Variants in PTGER3 observed in about 807,000 individuals in gnomAD.
PTGER3 encodes the protein prostaglandin E2 receptor EP3 subtype.
A neutral mutation model predicts 34.7 loss-of-function variants in PTGER3; 22 were observed. The observed-to-expected ratio is 0.63, with a 90% confidence interval of 0.45 to 0.91. PTGER3 has a LOEUF of 0.91. Ranked by LOEUF, PTGER3 falls within the 40% of genes least tolerant of loss-of-function variation. The probability of loss-of-function intolerance (pLI) is 0.00; values close to 1 mark genes in which losing one functional copy is unlikely to be tolerated. For synonymous variants in PTGER3, 241 were observed against 230.1 expected (o/e 1.05, Z -0.43); for missense variants, 468 against 519.4 (o/e 0.90, Z 0.96).
chr1:71,011,537 A>G (rs1657447068), intron 2 of PTGER3: 1 of 985,066 alleles, frequency 1.0e-6, no homozygotes, highest in Non-Finnish European at 1.2e-6. Context: ...TATATTCAAA[A>G]GAAAGAATAA....
intron 1 of PTGER3, among the ~76,000 whole-genome samples, chr1:71,021,543 A>G (rs1165586707): frequency 6.7e-6 from 1 of 149,662 alleles, no homozygotes; most frequent in Non-Finnish European, 1.5e-5. Flanking sequence ...AAACACCTAT[A>G]TTTCAGATGT....
intron 4 of PTGER3, among the ~76,000 whole-genome samples, chr1:70,906,058 T>G (rs1226456716): frequency 6.6e-6 from 1 of 152,114 alleles, no homozygotes; most frequent in Non-Finnish European, 1.5e-5. Flanking sequence ...AGAAGTTCCC[T>G]GTACAAGCTC....
chr1:70,883,958 A>G (rs965842694), intron 4 of PTGER3: 1 of 250,182 alleles, frequency 4.0e-6, no homozygotes, highest in Non-Finnish European at 8.1e-6. Flanking sequence ...GCTACTTGGG[A>G]GGCTGAGGCA....
intron 4 of PTGER3, among the ~76,000 whole-genome samples, chr1:70,861,278 CA>C (rs1645921398): frequency 6.6e-6 from 1 of 152,082 alleles, no homozygotes. Flanking sequence ...TCATTCTGAC[CA>C]GAAAGGTTTT....
chr1:71,025,288 T>G (rs1016167304), intron 1 of PTGER3, among the ~76,000 whole-genome samples: 1 of 152,020 alleles, frequency 6.6e-6, no homozygotes, highest in Non-Finnish European at 1.5e-5. Flanking sequence ...AAGTGGAACG[T>G]TCTGGTGTTC....
In PTGER3 at chr1:71,047,254, C is replaced by T. The variant is rs148227847; in HGVS notation, c.324G>A (p.Pro108=). ...TGGACAGGTACACGACGATGACGAC[C>T]GGGGTGGTGAGAAGCTGCCCGACCA... ...TDLVGQLLTT[P]VVIVVYLSKQ... The change falls in exon 1 of 4, where the codon CCG becomes CCA. Residue 108 remains proline, a synonymous_variant. Transcript: ENST00000306666. The T allele has an allele frequency of 2.1e-4, 329 of 1,595,342 alleles. 4 individuals carry two copies. In the East Asian group the frequency reaches 3.8e-3, roughly 18 times the overall value.
rs144385601 is a variant in PTGER3, at chr1:70,925,831, G to A, written c.*23+27932C>T. Among the ~76,000 whole-genome samples the A allele has an allele frequency of 4.3e-3, 657 of 152,156 alleles. 1 individual carries two copies. Among genetic ancestry groups the A allele is most frequent in the African/African-American group, 0.012 (512 of 41,502 alleles). On this transcript the variant is annotated intron_variant, in intron 4 of 4. Coordinates refer to the PTGER3 transcript ENST00000370931. ...CTGGCAATGTTCTAGGATGTAAGTC[G>A]GTAGTGGCTTCATAGGCATTCATTT... is the stretch of plus-strand genomic sequence containing the variant.
intron 4 of PTGER3, among the ~76,000 whole-genome samples, chr1:70,893,083 T>C (rs1646654017): frequency 6.6e-6 from 1 of 152,082 alleles, no homozygotes; most frequent in Non-Finnish European, 1.5e-5. Flanking sequence ...AAGGAACAAA[T>C]GGAATCTAGT....
chr1:70,918,048 T>C (rs1323369276), intron 4 of PTGER3, among the ~76,000 whole-genome samples: 3 of 151,956 alleles, frequency 2.0e-5, no homozygotes, highest in Admixed American at 2.0e-4. Flanking sequence ...AAACCACACA[T>C]AGACCAATGG....
intron 2 of PTGER3, among the ~76,000 whole-genome samples, chr1:70,988,586 A>G (rs1655135987): frequency 6.6e-6 from 1 of 152,150 alleles, no homozygotes; most frequent in Non-Finnish European, 1.5e-5. Flanking sequence ...TCGAGCAGCT[A>G]TATTGGATTA....
Position 70,878,204 on chromosome 1 carries a change from T to A in PTGER3, c.*24-25345A>T, listed in dbSNP as rs574804499. 5.3e-5 allele frequency among the ~76,000 whole-genome samples: 8 copies of A among 152,132 alleles called. No individual in the cohort carries two copies. In the South Asian group the frequency reaches 1.7e-3, roughly 32 times the overall value. ...TTCTTCCTAGTTCAATCTTGGGAGG[T>A]TATATATTTCCAGGAATTCATCCAT... On this transcript the variant is annotated intron_variant, in intron 4 of 4. Coordinates refer to the PTGER3 transcript ENST00000370931.
chr1:70,917,403 T>TTTTGTGTGTGTGTGTGTG, intron 4 of PTGER3, among the ~76,000 whole-genome samples: 1 of 136,380 alleles, frequency 7.3e-6, no homozygotes, highest in South Asian at 2.5e-4. Flanking sequence ...GTATTTTATT[T>TTTTGTGTGTGTGTGTGTG]TGTGTGTGTG....
chr1:70,990,319 T>C (rs527666005), intron 2 of PTGER3, among the ~76,000 whole-genome samples: 26 of 147,592 alleles, frequency 1.8e-4, no homozygotes, highest in Non-Finnish European at 2.5e-4. Flanking sequence ...ATTGCGCCAC[T>C]GCACTCCAGC....
intron 4 of PTGER3, among the ~76,000 whole-genome samples, chr1:70,867,324 C>T (rs1280992961): frequency 6.6e-6 from 1 of 152,194 alleles, no homozygotes; most frequent in Non-Finnish European, 1.5e-5. Flanking sequence ...TCACACTATT[C>T]ATATTTATTT....
intron 2 of PTGER3, among the ~76,000 whole-genome samples, chr1:70,965,134 G>A (rs1414926586): frequency 1.3e-5 from 2 of 152,152 alleles, no homozygotes; most frequent in Non-Finnish European, 2.9e-5. Context: ...AGAGCAGGTA[G>A]GCATTGCTGT....
At chr1:71,006,944 G>A in intron 2 of PTGER3, 3 of 985,478 alleles carry the variant, frequency 3.0e-6, no homozygotes, top group Non-Finnish European at 3.6e-6. Flanking sequence ...GCCATGACTT[G>A]AATGCCAGCA....
At chr1:70,886,202 C>T (rs11809115) in intron 4 of PTGER3, 10,007 of 376,114 alleles carry the variant, frequency 0.027, 508 homozygotes, top group East Asian at 0.22. Flanking sequence ...GAGCTTGCTT[C>T]CCTTCTCTGT....
intron 2 of PTGER3, among the ~76,000 whole-genome samples, chr1:70,954,798 G>A (rs1436347266): frequency 6.6e-6 from 1 of 151,554 alleles, no homozygotes; most frequent in Non-Finnish European, 1.5e-5. Flanking sequence ...TTGAAATTCT[G>A]TTTTCTACAT....
chr1:70,963,294 C>T (rs1410878308), intron 2 of PTGER3, among the ~76,000 whole-genome samples: 2 of 152,152 alleles, frequency 1.3e-5, no homozygotes, highest in Non-Finnish European at 2.9e-5. Context: ...GGGAGATCCA[C>T]ATTCTGGGGT....
Sources: gnomAD v4.1 joint callset for allele counts (sites outside exome capture counted in the v4.1 genomes callset) on GRCh38, gnomAD v4.1.1 for gene constraint, MANE v1.5 for transcripts, NCBI Gene and HGNC (gene_info 2026-07-23, HGNC 2026-07-21) for gene names.